The following SNTG1 variants were observed in gnomAD, a reference collection of about 807,000 sequenced individuals.
SNTG1 encodes gamma-1-syntrophin.
SNTG1 carries 39 observed loss-of-function variants against 74.7 expected under a neutral mutation model. The observed-to-expected ratio is 0.52, with a 90% confidence interval of 0.40 to 0.68. The LOEUF (loss-of-function observed/expected upper bound fraction) is 0.68. Ranked by LOEUF, SNTG1 falls within the 30% of genes least tolerant of loss-of-function variation. SNTG1 has a pLI of 0.00. For synonymous variants in SNTG1, 254 were observed against 217.1 expected (o/e 1.17, Z -1.49); for missense variants, 685 against 609.5 (o/e 1.12, Z -1.30).
At chr8:50,537,887 G>A (rs915355572) in intron 11 of SNTG1, among the ~76,000 whole-genome samples, 2 of 152,116 alleles carry the variant, frequency 1.3e-5, no homozygotes, top group Admixed American at 6.6e-5. Context: ...AAAACAGGTG[G>A]CAGGCTAGAT....
intron 9 of SNTG1, among the ~76,000 whole-genome samples, chr8:50,509,349 T>A (rs2094042468): frequency 6.6e-6 from 1 of 152,224 alleles, no homozygotes; most frequent in Non-Finnish European, 1.5e-5. Context: ...TCAGGTAGCG[T>A]GATGCCTCCA....
chr8:50,688,907 T>C (rs1052374173), intron 15 of SNTG1, among the ~76,000 whole-genome samples: 2 of 152,038 alleles, frequency 1.3e-5, no homozygotes, highest in Non-Finnish European at 2.9e-5. Context: ...TGTTCTCCCA[T>C]TTGTTTGTAT....
intron 1 of SNTG1, among the ~76,000 whole-genome samples, chr8:50,114,438 G>T (rs907920620): frequency 6.6e-6 from 1 of 152,122 alleles, no homozygotes; most frequent in African/African-American, 2.4e-5. Context: ...AAAAACAAAT[G>T]CTGTACAATA....
At chr8:50,004,977 A>G (rs1251407705) in intron 1 of SNTG1, among the ~76,000 whole-genome samples, 1 of 152,200 alleles carries the variant, frequency 6.6e-6, no homozygotes, top group Admixed American at 6.5e-5. Flanking sequence ...GATTTCCATT[A>G]GTTAAACCAA....
intron 2 of SNTG1, among the ~76,000 whole-genome samples, chr8:50,299,714 A>C (rs1286121356): frequency 1.3e-5 from 2 of 152,118 alleles, no homozygotes; most frequent in African/African-American, 4.8e-5. Flanking sequence ...TTTTGTACTA[A>C]ACCTTGTCTG....
chr8:50,311,608 T>A (rs2090116905), intron 2 of SNTG1, among the ~76,000 whole-genome samples: 1 of 152,232 alleles, frequency 6.6e-6, no homozygotes, highest in Non-Finnish European at 1.5e-5. Flanking sequence ...TTTGGGCCTA[T>A]GTACCTTGAA....
At chr8:50,090,125 A>G (rs2079664132) in intron 1 of SNTG1, among the ~76,000 whole-genome samples, 1 of 152,238 alleles carries the variant, frequency 6.6e-6, no homozygotes, top group African/African-American at 2.4e-5. Context: ...AATTAATTGT[A>G]TACCAGTCCT....
chr8:50,511,565 T>C (rs1244137889), intron 9 of SNTG1, among the ~76,000 whole-genome samples: 1 of 152,122 alleles, frequency 6.6e-6, no homozygotes, highest in Non-Finnish European at 1.5e-5. Flanking sequence ...TCTTTGTAGG[T>C]CTCTAAGGAC....
At chr8:50,425,929 C>A (rs1267975545) in intron 4 of SNTG1, among the ~76,000 whole-genome samples, 1 of 152,094 alleles carries the variant, frequency 6.6e-6, no homozygotes, top group Non-Finnish European at 1.5e-5. Flanking sequence ...AAATCAAGTG[C>A]AAAGTAGAGT....
At chr8:50,694,463 A>C (rs978714290) in intron 15 of SNTG1, among the ~76,000 whole-genome samples, 2 of 152,156 alleles carry the variant, frequency 1.3e-5, no homozygotes, top group African/African-American at 4.8e-5. Flanking sequence ...CCATCAGAGA[A>C]AATCCCAAGG....
rs527537648 is a variant in SNTG1 at position 50,124,580 on chromosome 8, C to T, written c.-102-47981C>T. The stretch of plus-strand genomic sequence containing the variant: ...AAATATAAGATGCTGAATAGCAATA[C>T]GGTCCTAATTGCATGATTGAAATGG... On this transcript the variant is annotated intron_variant, in intron 1 of 18. Transcript: ENST00000642720. Among the ~76,000 whole-genome samples the T allele has an allele frequency of 5.6e-5, 8 of 142,282 alleles. 2 individuals are homozygous for T. The highest frequency in any genetic ancestry group is 1.5e-4 in the African/African-American group (6 of 39,460). The allele number at this position is 142,282 out of a possible 152,430, so 93.3% of individuals were successfully genotyped here.
At position 50,484,129 on chromosome 8, in the gene SNTG1, TTTCTTTCC is replaced by T. The variant is rs1362249458; in HGVS notation, c.364-18641_364-18634del. Among the ~76,000 whole-genome samples the T allele has an allele frequency of 2.6e-3, 297 of 115,814 alleles. 3 individuals carry two copies. Among genetic ancestry groups the T allele is most frequent in the Middle Eastern group, 9.0e-3 (2 of 222 alleles). The allele number at this position is 115,814 out of a possible 152,430, so 76.0% of individuals were successfully genotyped here. ...CTTTCTTTCTTTCTTTCTTTCTTTCTTTCTTTCCTTCTTTCTTTCTTTCCTTCCTTCCT... is the reference window on the plus strand; with the variant it reads ...CTTTCTTTCTTTCTTTCTTTCTTTCTTTCTTTCTTTCTTTCCTTCCTTCCT... On this transcript the variant is annotated intron_variant, in intron 8 of 18. Transcript: ENST00000642720.
At chr8:50,604,515 C>T (rs2130948833) in intron 13 of SNTG1, among the ~76,000 whole-genome samples, 1 of 152,242 alleles carries the variant, frequency 6.6e-6, no homozygotes, top group Non-Finnish European at 1.5e-5. Context: ...ATGCCCTTTC[C>T]ACTTTTCCCT....
chr8:50,333,955 T>C (rs2091053941), intron 2 of SNTG1, among the ~76,000 whole-genome samples: 1 of 152,182 alleles, frequency 6.6e-6, no homozygotes, highest in South Asian at 2.1e-4. Context: ...TAATTTAGAT[T>C]CTTGTCAAAA....
At chr8:50,478,642 G>A (rs1034156598) in intron 8 of SNTG1, among the ~76,000 whole-genome samples, 3 of 152,084 alleles carry the variant, frequency 2.0e-5, no homozygotes, top group Non-Finnish European at 4.4e-5. Context: ...GAGTAAAGTA[G>A]TGCATGTGTG....
In SNTG1 at chr8:50,574,953, T is replaced by C. The variant is rs144476346; in HGVS notation, c.811-15926T>C. Among the ~76,000 whole-genome samples the C allele has an allele frequency of 1.5e-3, 235 of 152,330 alleles. 1 individual carries two copies. Among genetic ancestry groups the C allele is most frequent in the African/African-American group, 5.4e-3 (225 of 41,580 alleles). Reference sequence around the variant, plus strand: ...AATATTTGGCCCTTATTGGTTAAGATCACATTAATGGTTTTAATCTATTGA... The same window carrying C: ...AATATTTGGCCCTTATTGGTTAAGACCACATTAATGGTTTTAATCTATTGA... On this transcript the variant is annotated intron_variant, in intron 12 of 18. Coordinates refer to ENST00000642720, the MANE Select transcript of SNTG1 (RefSeq NM_018967.5).
intron 4 of SNTG1, among the ~76,000 whole-genome samples, chr8:50,429,843 A>T (rs774489269): frequency 7.9e-5 from 12 of 152,152 alleles, no homozygotes; most frequent in Non-Finnish European, 1.3e-4. Context: ...TCACTAAAGA[A>T]GGTATATAAA....
chr8:50,290,343 T>G (rs1043948577), intron 2 of SNTG1, among the ~76,000 whole-genome samples: 2 of 152,228 alleles, frequency 1.3e-5, no homozygotes, highest in African/African-American at 4.8e-5. Context: ...AATTTCAGAA[T>G]GCCATTTGCA....
At chr8:50,239,787 CT>C (rs2086087103) in intron 2 of SNTG1, among the ~76,000 whole-genome samples, 1 of 152,162 alleles carries the variant, frequency 6.6e-6, no homozygotes. Context: ...TAGGTTTACA[CT>C]GCTTATGCTA....
Sources: gnomAD v4.1 joint callset for allele counts (sites outside exome capture counted in the v4.1 genomes callset) on GRCh38, gnomAD v4.1.1 for gene constraint, MANE v1.5 for transcripts, NCBI Gene and HGNC (gene_info 2026-07-23, HGNC 2026-07-21) for gene names.